RASSF3: variants seen among roughly 807,000 people sequenced by gnomAD.
RASSF3 encodes ras association domain-containing protein 3.
RASSF3 carries 19 observed loss-of-function variants against 19.9 expected under a neutral mutation model. The observed-to-expected ratio is 0.96, with a 90% CI of 0.67 to 1.40. RASSF3 has a LOEUF of 1.40. RASSF3 is among the 40% of genes most tolerant of loss of function. The pLI is 0.00. For synonymous variants in RASSF3, 110 were observed against 104.2 expected (o/e 1.06, Z -0.34); for missense variants, 306 against 289.8 (o/e 1.06, Z -0.41).
intron 2 of RASSF3, among the ~76,000 whole-genome samples, chr12:64,568,190 C>G (rs1869461947): frequency 6.6e-6 from 1 of 152,146 alleles, no homozygotes; most frequent in Non-Finnish European, 1.5e-5. Flanking sequence ...GGCCACCATA[C>G]CCAGCTAATT....
downstream of RASSF3, among the ~76,000 whole-genome samples, chr12:64,543,435 C>CCCCCCG (rs1868982638): frequency 3.5e-5 from 2 of 57,588 alleles, no homozygotes; most frequent in African/African-American, 2.0e-4. Flanking sequence ...CCCCGCCCGC[C>CCCCCCG]CCCCCCGTGC....
chr12:64,545,425 A>T (rs902666223), downstream of RASSF3, among the ~76,000 whole-genome samples: 2 of 152,232 alleles, frequency 1.3e-5, no homozygotes, highest in Non-Finnish European at 2.9e-5. Context: ...GGCTCTAAAA[A>T]TTTTAGAAAA....
At chr12:64,647,724 T>G (rs1592442653) in intron 1 of RASSF3, among the ~76,000 whole-genome samples, 2 of 152,158 alleles carry the variant, frequency 1.3e-5, no homozygotes, top group East Asian at 1.9e-4. Context: ...GCCTTGTATT[T>G]TTTTTTATAG....
chr12:64,633,218 AT>A (rs1295678006), intron 1 of RASSF3, among the ~76,000 whole-genome samples: 6 of 152,212 alleles, frequency 3.9e-5, no homozygotes, highest in Non-Finnish European at 8.8e-5. Flanking sequence ...GTGACACTGC[AT>A]TAATTATTCT....
intron 1 of RASSF3, among the ~76,000 whole-genome samples, chr12:64,520,099 A>G (rs1192766241): frequency 6.6e-6 from 1 of 152,082 alleles, no homozygotes; most frequent in Non-Finnish European, 1.5e-5. Context: ...GGCACACAAT[A>G]AGTACTCAGT....
exon 1 of RASSF3, chr12:64,507,326 G>A: frequency 2.5e-6 from 1 of 398,582 alleles, no homozygotes; most frequent in Non-Finnish European, 4.4e-6. Context: ...GAGCCAAGGT[G>A]GGGGTAAGTT....
At chr12:64,591,750 A>C (rs1044195893) in intron 2 of RASSF3, among the ~76,000 whole-genome samples, 1 of 152,068 alleles carries the variant, frequency 6.6e-6, no homozygotes, top group African/African-American at 2.4e-5. Flanking sequence ...CTTTTGGTTA[A>C]ACTTAGATTT....
At chr12:64,688,695 T>G (rs73119785) in intron 3 of RASSF3, among the ~76,000 whole-genome samples, 4,178 of 151,800 alleles carry the variant, frequency 0.028, 136 homozygotes, top group Admixed American at 0.088. Context: ...CAGTTACGAG[T>G]ATTTTGTGGT....
downstream of RASSF3, among the ~76,000 whole-genome samples, chr12:64,542,999 C>CG (rs983372121): frequency 1.4e-5 from 2 of 145,318 alleles, no homozygotes; most frequent in Admixed American, 6.7e-5. Context: ...GTGGGCTTGG[C>CG]GGGGCCCCGC....
At chr12:64,658,206 A>G (rs895631054) in intron 1 of RASSF3, among the ~76,000 whole-genome samples, 5 of 152,208 alleles carry the variant, frequency 3.3e-5, no homozygotes, top group African/African-American at 9.6e-5. Flanking sequence ...TGATACCCAC[A>G]GACATATTTT....
chr12:64,585,300 G>C, intron 2 of RASSF3, among the ~76,000 whole-genome samples: 1 of 152,146 alleles, frequency 6.6e-6, no homozygotes, highest in East Asian at 1.9e-4. Context: ...TAGCCACCAC[G>C]CCTGGCCCAG....
intron 3 of RASSF3, among the ~76,000 whole-genome samples, chr12:64,690,436 C>T (rs1170166164): frequency 2.0e-5 from 3 of 152,144 alleles, no homozygotes; most frequent in South Asian, 4.2e-4. Flanking sequence ...CTGCCTGTCT[C>T]GGCCTCCCAA....
chr12:64,606,791 G>T (rs1870201204), upstream of RASSF3, among the ~76,000 whole-genome samples: 2 of 151,986 alleles, frequency 1.3e-5, no homozygotes, highest in African/African-American at 4.8e-5. Flanking sequence ...CTCCAGCCTG[G>T]GTGACAGAGT....
intron 2 of RASSF3, among the ~76,000 whole-genome samples, chr12:64,597,479 C>T (rs1434517507): frequency 1.3e-5 from 2 of 149,140 alleles, no homozygotes; most frequent in African/African-American, 5.0e-5. Context: ...TATTTTGAGA[C>T]AGAGTCTCGC....
At chr12:64,673,378 C>G (rs1872768893) in intron 1 of RASSF3, among the ~76,000 whole-genome samples, 2 of 152,194 alleles carry the variant, frequency 1.3e-5, no homozygotes, top group African/African-American at 4.8e-5. Flanking sequence ...AATTTTCTTA[C>G]TATCCAGTGA....
chr12:64,520,309 C>T (rs1326126905), intron 1 of RASSF3, among the ~76,000 whole-genome samples: 1 of 151,688 alleles, frequency 6.6e-6, no homozygotes, highest in Admixed American at 6.6e-5. Flanking sequence ...ACTACAGGCA[C>T]ATGCCGCCAT....
chr12:64,696,227 T>G lies in RASSF3; in HGVS notation c.*1315T>G, dbSNP rs1031397134. 6.6e-6 allele frequency: 1 copy of G among 151,828 alleles called. No individual in the cohort carries two copies. The highest frequency in any genetic ancestry group is 1.5e-5 in the Non-Finnish European group (1 of 67,986). 9.4% of individuals were successfully genotyped at this position (151,828 alleles called of 1,614,324 possible). On this transcript the variant is annotated 3_prime_UTR_variant, in exon 5 of 5. Coordinates refer to ENST00000542104, the MANE Select transcript of RASSF3 (RefSeq NM_178169.4). The stretch of plus-strand genomic sequence containing the variant: ...TAAAGACCCAATCCTACCAGATCTT[T>G]AGTTCTAAAGGGCAACTTGACTGTG...
chr12:64,654,661 G>C (rs1165400439), intron 1 of RASSF3: 2 of 111,866 alleles, frequency 1.8e-5, no homozygotes, highest in African/African-American at 7.1e-5. Context: ...GGGGGGTGGG[G>C]GGAAGCCAGC....
chr12:64,562,128 C>A (rs528077436), intron 2 of RASSF3, among the ~76,000 whole-genome samples: 86 of 152,144 alleles, frequency 5.7e-4, no homozygotes, highest in African/African-American at 2.0e-3. Flanking sequence ...GCAACCTCTG[C>A]CTCCCTGGTT....
Sources: gnomAD v4.1 joint callset for allele counts (sites outside exome capture counted in the v4.1 genomes callset) on GRCh38, gnomAD v4.1.1 for gene constraint, MANE v1.5 for transcripts, NCBI Gene and HGNC (gene_info 2026-07-23, HGNC 2026-07-21) for gene names.